The following EVL variants were observed in gnomAD, a reference collection of about 807,000 sequenced individuals.
The protein encoded by EVL is Enah/Vasp-like, also known as ena/VASP-like protein.
EVL carries 21 observed loss-of-function variants against 59.6 expected under a neutral mutation model. The ratio of observed to expected loss-of-function variants is 0.35; its 90% CI spans 0.25 to 0.51. The LOEUF (loss-of-function observed/expected upper bound fraction) is 0.51. EVL is among the 20% of genes least tolerant of loss of function. EVL has a pLI of 0.97. For synonymous variants in EVL, 198 were observed against 203.5 expected (o/e 0.97, Z 0.23); for missense variants, 462 against 546.6 (o/e 0.85, Z 1.54).
At chr14:100,038,924 A>C (rs2061428285) in intron 1 of EVL, among the ~76,000 whole-genome samples, 1 of 152,166 alleles carries the variant, frequency 6.6e-6, no homozygotes, top group Non-Finnish European at 1.5e-5. Context: ...TGCCTCTCCC[A>C]AAAGCAGATG....
chr14:100,065,442 G>T lies in EVL; in HGVS notation c.-59G>T. On this transcript the variant is annotated 5_prime_UTR_variant, in exon 1 of 14. In the 5' UTR this introduces an upstream ATG that the reference lacks. Coordinates refer to ENST00000392920, the MANE Select transcript of EVL (RefSeq NM_016337.3). ...GGTCTGTGGTCCTCTGATCAACATA[G>T]GCTGGTGGGAGTACAGGACTCGCCT... 2 of 1,393,988 alleles carry T rather than the reference G, an allele frequency of 1.4e-6. No individual in the cohort carries two copies. Among genetic ancestry groups the T allele is most frequent in the South Asian group, 1.8e-5 (1 of 56,860 alleles). 86.4% of individuals were successfully genotyped at this position (1,393,988 alleles called of 1,614,324 possible).
At chr14:100,082,152 G>A (rs114580752) in intron 1 of EVL, among the ~76,000 whole-genome samples, 2,608 of 151,964 alleles carry the variant, frequency 0.017, 72 homozygotes, top group African/African-American at 0.06. Context: ...AAATTTAAAA[G>A]AAGAAAGCCT....
In EVL at chr14:100,125,692, A is replaced by G. The variant is rs1888030175; in HGVS notation, c.423-1015A>G. On this transcript the variant is annotated intron_variant, in intron 4 of 13. Coordinates refer to ENST00000392920, the MANE Select transcript of EVL (RefSeq NM_016337.3). ...TGCCTCAGCCCCTTGAGTAGCTGGG[A>G]TTACAGGCGCGCGCCACCACACCCA... Among the ~76,000 whole-genome samples the G allele has an allele frequency of 2.0e-5, 3 of 151,518 alleles. No homozygotes were observed. In the South Asian group the frequency reaches 6.2e-4, roughly 31 times the overall value.
chr14:99,980,291 A>AT (rs1287067589), intron 1 of EVL, among the ~76,000 whole-genome samples: 5 of 152,220 alleles, frequency 3.3e-5, no homozygotes, highest in African/African-American at 9.6e-5. Context: ...TGTGGTAGAG[A>AT]TAACAGCAAC....
intron 1 of EVL, among the ~76,000 whole-genome samples, chr14:100,031,320 G>C (rs1190984): frequency 0.62 from 93,789 of 152,014 alleles, 32,394 homozygotes; most frequent in Non-Finnish European, 0.76. Context: ...GGAAGAACCT[G>C]AGCTTGGGAA....
At chr14:100,016,187 C>A (rs955074620) in intron 1 of EVL, among the ~76,000 whole-genome samples, 1 of 152,028 alleles carries the variant, frequency 6.6e-6, no homozygotes, top group African/African-American at 2.4e-5. Context: ...TGTGCATTAT[C>A]TGAGCCTGAG....
At chr14:100,012,349 T>G (rs2061022038) in intron 1 of EVL, among the ~76,000 whole-genome samples, 1 of 152,224 alleles carries the variant, frequency 6.6e-6, no homozygotes, top group Non-Finnish European at 1.5e-5. Context: ...GTAACAGTGC[T>G]GGTCACATGG....
chr14:100,104,196 G>A (rs1886413612), intron 3 of EVL, among the ~76,000 whole-genome samples: 1 of 152,202 alleles, frequency 6.6e-6, no homozygotes, highest in Admixed American at 6.5e-5. Flanking sequence ...CAAGTACATA[G>A]TCTACCTCTG....
chr14:100,119,948 G>A (rs1470921748), intron 3 of EVL, among the ~76,000 whole-genome samples: 3 of 152,176 alleles, frequency 2.0e-5, no homozygotes, highest in Non-Finnish European at 4.4e-5. Context: ...ACAAAGGAGG[G>A]CACCTCATGG....
At chr14:100,091,257 T>G (rs934583230) in intron 2 of EVL, among the ~76,000 whole-genome samples, 3 of 152,062 alleles carry the variant, frequency 2.0e-5, no homozygotes, top group South Asian at 4.1e-4. Context: ...CTTAACGAAA[T>G]TCCCTGACCT....
chr14:100,036,188 T>C (rs2140225809), intron 1 of EVL, among the ~76,000 whole-genome samples: 1 of 152,196 alleles, frequency 6.6e-6, no homozygotes, highest in South Asian at 2.1e-4. Context: ...CTTATGAGAA[T>C]CAAATGCCTG....
chr14:100,074,002 C>CGGGGGCGTT (rs2062105748), intron 1 of EVL, among the ~76,000 whole-genome samples: 1 of 88,370 alleles, frequency 1.1e-5, no homozygotes, highest in East Asian at 2.9e-4. Flanking sequence ...GAGTCACCCC[C>CGGGGGCGTT]GGGGGCGGTG....
At chr14:100,049,029 A>G (rs1461866133) in intron 1 of EVL, among the ~76,000 whole-genome samples, 1 of 152,190 alleles carries the variant, frequency 6.6e-6, no homozygotes, top group Non-Finnish European at 1.5e-5. Flanking sequence ...TACACCACCA[A>G]TCTATGTAGG....
intron 3 of EVL, among the ~76,000 whole-genome samples, chr14:100,100,561 A>G (rs1886142438): frequency 6.6e-6 from 1 of 152,152 alleles, no homozygotes; most frequent in Non-Finnish European, 1.5e-5. Flanking sequence ...GCACTTAAGA[A>G]TAGATACGAA....
At chr14:100,090,167 A>C (rs955227248) in intron 2 of EVL, among the ~76,000 whole-genome samples, 1 of 152,228 alleles carries the variant, frequency 6.6e-6, no homozygotes, top group African/African-American at 2.4e-5. Flanking sequence ...TTTTTGAATG[A>C]GAAAGTTGGT....
intron 1 of EVL, among the ~76,000 whole-genome samples, chr14:100,046,458 C>T (rs973974842): frequency 3.3e-5 from 5 of 152,148 alleles, no homozygotes; most frequent in East Asian, 1.9e-4. Flanking sequence ...CTTGATCTCA[C>T]GATTTCAACA....
intron 3 of EVL, chr14:100,106,789 G>A: frequency 2.5e-6 from 1 of 398,544 alleles, no homozygotes; most frequent in South Asian, 1.3e-4. Flanking sequence ...GCTTAACAGT[G>A]CCATGGAGAT....
At chr14:100,102,601 G>A (rs1886292332) in intron 3 of EVL, among the ~76,000 whole-genome samples, 1 of 152,184 alleles carries the variant, frequency 6.6e-6, no homozygotes, top group African/African-American at 2.4e-5. Flanking sequence ...ACGCCATCTG[G>A]TGTAATGATG....
chr14:100,143,991 G>A lies in EVL; in HGVS notation c.*253G>A. 5.6e-6 allele frequency: 3 copies of A among 534,296 alleles called. No homozygotes were observed. Among genetic ancestry groups the A allele is most frequent in the Non-Finnish European group, 9.9e-6 (3 of 302,206 alleles). 33.1% of individuals were successfully genotyped at this position (534,296 alleles called of 1,614,324 possible). A position where few individuals can be genotyped will look rare whatever the true frequency, so the allele number is the denominator to read the frequency against. ...TTGTGTTTTATATTTGCTTATTTAA[G>A]GTACATTTCTTTGGGTTTCTAGAGA... On this transcript the variant is annotated 3_prime_UTR_variant, in exon 14 of 14. Coordinates refer to ENST00000392920, the MANE Select transcript of EVL (RefSeq NM_016337.3).
Sources: allele counts gnomAD v4.1 joint callset (sites outside exome capture counted in the v4.1 genomes callset), GRCh38; gene constraint gnomAD v4.1.1; transcripts MANE v1.5; gene names NCBI Gene and HGNC (gene_info 2026-07-23, HGNC 2026-07-21).